Variants in BOP1 observed in about 807,000 individuals in gnomAD.
BOP1 encodes ribosome biogenesis protein BOP1.
BOP1 carries 54 observed loss-of-function variants against 82.9 expected under a neutral mutation model. The observed-to-expected ratio is 0.65, with a 90% CI of 0.52 to 0.82. BOP1 has a LOEUF of 0.82. Among genes scored for constraint, BOP1 ranks in the 40% least tolerant of loss-of-function variants. The pLI is 0.00. For missense variants in BOP1, 1,170 were observed against 1,072.0 expected, an observed-to-expected ratio of 1.09 and a Z score of -1.28; for synonymous variants, 566 against 451.1, an observed-to-expected ratio of 1.25 and a Z score of -3.23.
At chr8:144,266,919 C>T in intron 3 of BOP1, 5 of 1,552,268 alleles carry the variant, frequency 3.2e-6, no homozygotes, top group East Asian at 2.5e-5. Context: ...GCACGCTGAT[C>T]CCCACCGAGC....
intron 5 of BOP1, 32 bp downstream of exon 5, chr8:144,264,682 C>T: frequency 6.4e-7 from 1 of 1,563,922 alleles, no homozygotes; most frequent in Non-Finnish European, 8.7e-7. Flanking sequence ...TCCAGGACCC[C>T]CGCCGCCCAG....
At chr8:144,272,503 C>A (rs775285109) in intron 3 of BOP1, among the ~76,000 whole-genome samples, 3 of 152,176 alleles carry the variant, frequency 2.0e-5, no homozygotes, top group Non-Finnish European at 4.4e-5. Context: ...ATGCCTTCCC[C>A]GGCTCCACTC....
chr8:144,265,381 C>A, intron 3 of BOP1: 1 of 521,066 alleles, frequency 1.9e-6, no homozygotes, highest in Non-Finnish European at 3.4e-6. Context: ...CAGCCACAGA[C>A]AGGGATGACC....
At chr8:144,267,314 C>G (rs1361761240) in intron 3 of BOP1, 1 of 1,113,886 alleles carries the variant, frequency 9.0e-7, no homozygotes, top group East Asian at 3.5e-5. Context: ...GTAACACAGG[C>G]CTGCCGGGGG....
At chr8:144,269,731 C>T (rs1230898395) in intron 3 of BOP1, among the ~76,000 whole-genome samples, 1 of 152,216 alleles carries the variant, frequency 6.6e-6, no homozygotes, top group Non-Finnish European at 1.5e-5. Flanking sequence ...GAAGCCTCCG[C>T]CCGCCGGGAA....
chr8:144,274,587 C>A (rs943375507), intron 3 of BOP1, among the ~76,000 whole-genome samples: 2 of 152,332 alleles, frequency 1.3e-5, no homozygotes, highest in East Asian at 3.9e-4. Context: ...AGCCACTGGC[C>A]GGCTGTGCTG....
At chr8:144,284,111 T>C (rs1030595740) in intron 2 of BOP1, among the ~76,000 whole-genome samples, 1 of 151,428 alleles carries the variant, frequency 6.6e-6, no homozygotes. Context: ...AGCGAGACTC[T>C]GTCTCAAAAA....
Position 144,262,937 on chromosome 8 carries a change from G to A in BOP1, c.1810C>T (p.Leu604Phe). 1 of 1,547,258 alleles carries A rather than the reference G, an allele frequency of 6.5e-7. No homozygotes were observed. Among genetic ancestry groups the A allele is most frequent in the Non-Finnish European group, 8.7e-7 (1 of 1,152,882 alleles). ...LLVASQRSVR[L>F]YHLLRQELTK... is the part of the protein sequence containing the mutation. Reference sequence around the variant, plus strand: ...AGCTCCTGGCGCAGCAGGTGGTAGAGGCGGACGCTGCGCTGGGACGCCACC... The same window carrying A: ...AGCTCCTGGCGCAGCAGGTGGTAGAAGCGGACGCTGCGCTGGGACGCCACC... The change falls in exon 13 of 16, where the codon CTC becomes TTC. Residue 604 changes from leucine (L) to phenylalanine (F), a missense_variant. By Grantham distance (22) the Leu-to-Phe change is conservative (BLOSUM62 0). Coordinates refer to ENST00000569669, the MANE Select transcript of BOP1 (RefSeq NM_015201.5).
chr8:144,273,211 A>G (rs1554838000), intron 3 of BOP1, among the ~76,000 whole-genome samples: 1 of 152,202 alleles, frequency 6.6e-6, no homozygotes, highest in African/African-American at 2.4e-5. Flanking sequence ...CACTGGAGGC[A>G]GCTGCCGGTT....
intron 3 of BOP1, chr8:144,268,135 G>T: frequency 6.4e-7 from 1 of 1,551,708 alleles, no homozygotes; most frequent in Non-Finnish European, 8.7e-7. Flanking sequence ...ACAGCGATTC[G>T]CAGTTAGGAG....
At chr8:144,270,706 CACAGCCGCCGG>C (rs1845478811) in intron 3 of BOP1, among the ~76,000 whole-genome samples, 1 of 152,164 alleles carries the variant, frequency 6.6e-6, no homozygotes, top group South Asian at 2.1e-4. Flanking sequence ...ACTCGTAGCT[CACAGCCGCCGG>C]GCAGACGAGT....
At chr8:144,276,892 T>C (rs1300239450) in intron 2 of BOP1, among the ~76,000 whole-genome samples, 1 of 151,716 alleles carries the variant, frequency 6.6e-6, no homozygotes, top group Non-Finnish European at 1.5e-5. Flanking sequence ...CCCCGAACAC[T>C]CAGAAGGCCT....
chr8:144,267,707 G>A (rs929935529), intron 3 of BOP1, among the ~76,000 whole-genome samples: 7 of 152,078 alleles, frequency 4.6e-5, no homozygotes, highest in African/African-American at 1.4e-4. Context: ...CATGGGACAC[G>A]AAGGCAGAGG....
At chr8:144,288,249 A>ATG in intron 2 of BOP1, among the ~76,000 whole-genome samples, 1 of 136,016 alleles carries the variant, frequency 7.4e-6, no homozygotes, top group Admixed American at 7.3e-5. Flanking sequence ...CAGCCTGGGC[A>ATG]ACAGAGCAAG....
chr8:144,264,168 G>A, intron 7 of BOP1, 26 bp from the exon 8 acceptor site: 1 of 1,610,310 alleles, frequency 6.2e-7, no homozygotes, highest in Non-Finnish European at 8.5e-7. Context: ...CACAGGGGTG[G>A]GGAGGGTCAC....
At position 144,291,283 on chromosome 8, in the gene BOP1, G is replaced by C. The variant is rs782537208; in HGVS notation, c.88C>G (p.Pro30Ala). ...RRSEPELEPE[P>A]EPEPPLLCTS... ...ATCGCCACAGTCACCTCCGGCTCGG[G>C]CTCAGGCTCCAGTTCGGGCTCAGAC... Residue 30 changes from proline (P) to alanine (A), a missense_variant, in exon 1 of 16, where the codon CCC (proline) becomes GCC (alanine). Pro to Ala is a conservative substitution (Grantham distance 27, BLOSUM62 -1). Coordinates refer to ENST00000569669, the MANE Select transcript of BOP1 (RefSeq NM_015201.5). This position sits in a 1 kb window ranked among gnomAD's most constrained non-coding sequence, Gnocchi z 4.1. The C allele has an allele frequency of 1.3e-5, 19 of 1,461,390 alleles. No homozygotes were observed. The highest frequency in any genetic ancestry group is 8.1e-6 in the Non-Finnish European group (9 of 1,108,614). 90.5% of individuals were successfully genotyped at this position (1,461,390 alleles called of 1,614,324 possible).
In BOP1 at chr8:144,264,104, C is replaced by T. The variant is rs1255040029; in HGVS notation, c.1017G>A (p.Lys339=). Residue 339 remains lysine, a synonymous_variant, in exon 8 of 16, where the codon AAG becomes AAA. Transcript: ENST00000569669. ...AWEQQEPGER[K]LSFLPRKFPS... is the part of the protein sequence containing the mutation. ...GGAACTTGCGTGGCAAAAAGCTCAG[C>T]TTCCTCTCGCCTGGCTCCTGCTGTT... The T allele has an allele frequency of 1.1e-5, 17 of 1,610,382 alleles. No homozygotes were observed. The East Asian group carries it at 3.6e-4, about 34-fold the overall frequency.
Position 144,262,158 on chromosome 8 carries a change from G to T in BOP1, c.*6C>A. ...CGACCACCCCAGCCCCAGGCAGGCA[G>T]AACAGCTAGGTGAAGAGGCGGACAG... On this transcript the variant is annotated 3_prime_UTR_variant, in exon 16 of 16. Transcript: ENST00000569669. The T allele has an allele frequency of 6.2e-7, 1 of 1,612,246 alleles. No homozygotes were observed. Among genetic ancestry groups the T allele is most frequent in the Non-Finnish European group, 8.5e-7 (1 of 1,179,838 alleles).
chr8:144,266,843 G>C, intron 3 of BOP1: 1 of 1,338,280 alleles, frequency 7.5e-7, no homozygotes, highest in Non-Finnish European at 9.7e-7. Context: ...CCCCGGCAGC[G>C]GCACACGGCG....
Sources: gnomAD v4.1 joint callset for allele counts (sites outside exome capture counted in the v4.1 genomes callset) on GRCh38, gnomAD v4.1.1 for gene constraint, Gnocchi (gnomAD v3.1) non-coding constraint, MANE v1.5 for transcripts, NCBI Gene and HGNC (gene_info 2026-07-23, HGNC 2026-07-21) for gene names.